The following PTPN2 variants were observed in gnomAD, a reference collection of about 807,000 sequenced individuals.
The protein encoded by PTPN2 is tyrosine-protein phosphatase non-receptor type 2.
In PTPN2, 19 loss-of-function variants were observed where a neutral mutation model predicts 57.3. That is an observed-to-expected ratio of 0.33 (90% CI 0.23 to 0.49). The LOEUF (loss-of-function observed/expected upper bound fraction) is 0.49. Ranked by LOEUF, PTPN2 falls within the 20% of genes least tolerant of loss-of-function variation. PTPN2 has a pLI of 0.99. For missense variants in PTPN2, 358 were observed against 501.1 expected (o/e 0.71, Z 2.73); for synonymous variants, 153 against 164.9 (o/e 0.93, Z 0.55).
chr18:12,840,799 C>T lies in PTPN2; in HGVS notation c.161-3908G>A, dbSNP rs745438784. On this transcript the variant is annotated intron_variant, in intron 2 of 8. Transcript: ENST00000309660. ...CCTTTCCATACATCCTAAATTCTTG[C>T]TGACATCACCTTTTCACGTTGCTCT... 8.1e-6 allele frequency: 13 copies of T among 1,598,260 alleles called. No individual in the cohort carries two copies. The African/African-American group carries it at 1.5e-4, about 18-fold the overall frequency.
intron 2 of PTPN2, among the ~76,000 whole-genome samples, chr18:12,852,268 C>T (rs2043424287): frequency 6.6e-6 from 1 of 150,678 alleles, no homozygotes; most frequent in South Asian, 2.1e-4. Context: ...TGACAGTTGA[C>T]TCAATTGCTG....
At chr18:12,790,083 C>T (rs1261664037), downstream of PTPN2, among the ~76,000 whole-genome samples, 1 of 151,984 alleles carries the variant, frequency 6.6e-6, no homozygotes, top group Non-Finnish European at 1.5e-5. Flanking sequence ...CAGGCACGTG[C>T]CAACATACCC....
intron 7 of PTPN2, among the ~76,000 whole-genome samples, chr18:12,812,030 A>T (rs1383754962): frequency 6.6e-6 from 1 of 152,234 alleles, no homozygotes; most frequent in East Asian, 1.9e-4. Flanking sequence ...CTTTATTAGT[A>T]ATATCAAATT....
chr18:12,875,317 T>TA (rs10654132), intron 1 of PTPN2, among the ~76,000 whole-genome samples: 55,958 of 144,988 alleles, frequency 0.39, 10,836 homozygotes, highest in East Asian at 0.63. Flanking sequence ...AAATAAAAAT[T>TA]AAAAAAAAAA....
Position 12,853,380 on chromosome 18 carries a change from ATCC to A in PTPN2, c.160+5781_160+5783del, listed in dbSNP as rs367906796. Among the ~76,000 whole-genome samples, 33 of 152,312 alleles carry A rather than the reference ATCC, an allele frequency of 2.2e-4. No homozygotes were observed. The East Asian group carries it at 3.7e-3, about 17-fold the overall frequency. On this transcript the variant is annotated intron_variant, in intron 2 of 8. Transcript: ENST00000309660. ...GGTCTCAAACTCCTGGCCTTAAGCA[ATCC>A]TCCTACCTCAGCTTTCCAAAGTGTT...
At chr18:12,789,021 C>T (rs568976807), downstream of PTPN2, among the ~76,000 whole-genome samples, 10 of 152,266 alleles carry the variant, frequency 6.6e-5, no homozygotes, top group East Asian at 1.9e-3. Context: ...TGGGAGCAGG[C>T]ACACAGAACA....
chr18:12,819,410 T>G, intron 5 of PTPN2: 1 of 409,594 alleles, frequency 2.4e-6, no homozygotes, highest in Non-Finnish European at 4.3e-6. Flanking sequence ...TACTATACTA[T>G]TCCATTTTTA....
chr18:12,797,408 A>G (rs2041232949), intron 8 of PTPN2, among the ~76,000 whole-genome samples: 1 of 152,142 alleles, frequency 6.6e-6, no homozygotes, highest in Admixed American at 6.5e-5. Flanking sequence ...TAAATGCTAC[A>G]TAGGAGTTTA....
At chr18:12,810,948 T>C (rs111559911) in intron 7 of PTPN2, among the ~76,000 whole-genome samples, 44 of 152,320 alleles carry the variant, frequency 2.9e-4, no homozygotes, top group Admixed American at 3.3e-4. Flanking sequence ...TGACTGTCTA[T>C]TTTCTTTGTT....
chr18:12,798,101 C>A (rs1039459000), intron 8 of PTPN2, among the ~76,000 whole-genome samples: 1 of 152,162 alleles, frequency 6.6e-6, no homozygotes, highest in African/African-American at 2.4e-5. Context: ...ATTGAGAATA[C>A]TGCCTTTCAA....
In PTPN2 at chr18:12,870,485, A is replaced by AGG. The variant is rs1289481852; in HGVS notation, c.70-11232_70-11231insCC. Among the ~76,000 whole-genome samples, 10 of 101,448 alleles carry AGG rather than the reference A, an allele frequency of 9.9e-5. 1 individual carries two copies. The highest frequency in any genetic ancestry group is 1.5e-4 in the Non-Finnish European group (8 of 55,030). 66.6% of individuals were successfully genotyped at this position (101,448 alleles called of 152,430 possible). ...TATAGAGAGAGAGAGAGAGAGAGAG[A>AGG]GAGAGAGAGAGAGAAAAGCGTGTTG... On this transcript the variant is annotated intron_variant, in intron 1 of 8. Coordinates refer to ENST00000309660, the MANE Select transcript of PTPN2 (RefSeq NM_002828.4).
chr18:12,879,102 T>C (rs538769156), intron 1 of PTPN2, among the ~76,000 whole-genome samples: 20 of 152,254 alleles, frequency 1.3e-4, no homozygotes, highest in African/African-American at 4.8e-4. Context: ...CCTCACACAA[T>C]CAGACCAAAT....
At chr18:12,849,739 G>T (rs73404475) in intron 2 of PTPN2, among the ~76,000 whole-genome samples, 7,355 of 151,902 alleles carry the variant, frequency 0.048, 620 homozygotes, top group African/African-American at 0.17. Context: ...GAAACATACC[G>T]GTAAAACCAG....
intron 1 of PTPN2, among the ~76,000 whole-genome samples, chr18:12,882,015 G>T (rs916121473): frequency 6.6e-6 from 1 of 152,288 alleles, no homozygotes; most frequent in East Asian, 1.9e-4. Flanking sequence ...CACCTCGAGG[G>T]TAGGAAACTT....
intron 7 of PTPN2, among the ~76,000 whole-genome samples, chr18:12,812,616 A>G (rs533973257): frequency 6.6e-6 from 1 of 152,162 alleles, no homozygotes; most frequent in Non-Finnish European, 1.5e-5. Context: ...AGAAAAAAAA[A>G]CCAGTAGCAT....
intron 7 of PTPN2, among the ~76,000 whole-genome samples, chr18:12,808,508 C>T (rs934303318): frequency 9.2e-5 from 14 of 152,286 alleles, no homozygotes; most frequent in African/African-American, 2.9e-4. Flanking sequence ...CCGGGGCATG[C>T]GGTGGCTCAC....
intron 2 of PTPN2, among the ~76,000 whole-genome samples, chr18:12,839,101 T>C (rs962574764): frequency 5.5e-5 from 8 of 144,984 alleles, no homozygotes; most frequent in Non-Finnish European, 8.8e-5. Context: ...TTGCAAAAGA[T>C]TGTGAATATA....
intron 7 of PTPN2, among the ~76,000 whole-genome samples, chr18:12,811,166 G>A (rs772462328): frequency 9.2e-5 from 14 of 152,108 alleles, no homozygotes; most frequent in Non-Finnish European, 1.8e-4. Flanking sequence ...CTCGCCCAAG[G>A]ATATGCACCT....
In PTPN2 at chr18:12,793,155, G is replaced by A; in HGVS notation, c.*1123C>T. The A allele has an allele frequency of 1.0e-6, 1 of 985,182 alleles. No homozygotes were observed. The highest frequency in any genetic ancestry group is 1.2e-6 in the Non-Finnish European group (1 of 829,630). The allele number at this position is 985,182 out of a possible 1,614,324, so 61.0% of individuals were successfully genotyped here. On this transcript the variant is annotated 3_prime_UTR_variant, in exon 9 of 9. Coordinates refer to ENST00000309660, the MANE Select transcript of PTPN2 (RefSeq NM_002828.4). Reference sequence around the variant, plus strand: ...AGACAAATTAAACACTGAATGGAATGTTGAAATCTGAGGAAAGCTAGCATT... The same window carrying A: ...AGACAAATTAAACACTGAATGGAATATTGAAATCTGAGGAAAGCTAGCATT...
Sources: gnomAD v4.1 joint callset for allele counts (sites outside exome capture counted in the v4.1 genomes callset) on GRCh38, gnomAD v4.1.1 for gene constraint, MANE v1.5 for transcripts, NCBI Gene and HGNC (gene_info 2026-07-23, HGNC 2026-07-21) for gene names.